The following FAM53C variants were observed in gnomAD, a reference collection of about 807,000 sequenced individuals.
The protein encoded by FAM53C is protein FAM53C.
In FAM53C, 10 loss-of-function variants were observed where a neutral mutation model predicts 34.7. The observed-to-expected ratio is 0.29, with a 90% confidence interval of 0.18 to 0.49. The LOEUF is 0.49. FAM53C is among the 20% of genes least tolerant of loss of function. The pLI, the probability that FAM53C is intolerant of heterozygous loss-of-function variation, is 0.99. For missense variants in FAM53C, 442 were observed against 515.3 expected (o/e 0.86, Z 1.38); for synonymous variants, 203 against 203.6 (o/e 1.00, Z 0.03).
At position 138,341,169 on chromosome 5, in the gene FAM53C, C is replaced by G. The variant is rs1375469860; in HGVS notation, c.-152-15C>G. ...ATCTCTAATATCACTTGGGGCTGGT[C>G]CCTCTAATTGGCAGACTCAGCAGGC... is the stretch of plus-strand genomic sequence containing the variant. On this transcript the variant is annotated splice_polypyrimidine_tract_variant and intron_variant, in intron 1 of 4. Coordinates refer to ENST00000239906, the MANE Select transcript of FAM53C (RefSeq NM_016605.3). The G allele has an allele frequency of 2.7e-6, 2 of 743,172 alleles. No individual in the cohort carries two copies. The highest frequency in any genetic ancestry group is 3.4e-5 in the African/African-American group (2 of 58,246). The allele number at this position is 743,172 out of a possible 1,614,324, so 46.0% of individuals were successfully genotyped here.
rs753214374 is a variant in FAM53C at position 138,344,864 on chromosome 5, C to T, written c.176C>T (p.Ala59Val). ...SWRGLPHCSC[A>V]EFQDSLNFSY... ...AGGGGCCTGCCCCACTGTTCCTGTG[C>T]TGAGTTCCAGGACAGCCTCAACTTC... The change falls in exon 4 of 5, where the codon GCT (alanine) becomes GTT (valine). Residue 59 changes from alanine (A) to valine (V), a missense_variant. Physicochemically the swap from Ala to Val is moderately conservative, Grantham distance 64 (BLOSUM62 0). Coordinates refer to ENST00000239906, the MANE Select transcript of FAM53C (RefSeq NM_016605.3). The T allele has an allele frequency of 1.9e-6, 3 of 1,602,028 alleles. No individual in the cohort carries two copies. Among genetic ancestry groups the T allele is most frequent in the East Asian group, 2.2e-5 (1 of 44,710 alleles).
Position 138,341,874 on chromosome 5 carries a change from A to G in FAM53C, c.136+8A>G. The G allele has an allele frequency of 6.2e-7, 1 of 1,613,964 alleles. No individual in the cohort carries two copies. The highest frequency in any genetic ancestry group is 8.5e-7 in the Non-Finnish European group (1 of 1,179,810). Reference sequence around the variant, plus strand: ...CTTTCCAGCTTGTGTCTGGTAAGGCATCGTGTGTGTTTGTGTACGTGTGTG... The same window carrying G: ...CTTTCCAGCTTGTGTCTGGTAAGGCGTCGTGTGTGTTTGTGTACGTGTGTG... On this transcript the variant is annotated splice_region_variant and intron_variant, in intron 3 of 4. Coordinates refer to ENST00000239906, the MANE Select transcript of FAM53C (RefSeq NM_016605.3).
At chr5:138,339,012 T>C (rs1561739982) in intron 1 of FAM53C, among the ~76,000 whole-genome samples, 1 of 152,158 alleles carries the variant, frequency 6.6e-6, no homozygotes, top group Non-Finnish European at 1.5e-5. Flanking sequence ...GGGTCTGATC[T>C]TTATTTTTGG....
In FAM53C at chr5:138,345,033, G is replaced by A. The variant is rs374324534; in HGVS notation, c.345G>A (p.Lys115=). ...KLPVPPAPPS[K]RHCRSLSVPV... is the part of the protein sequence containing the mutation. ...CTGTGCCCCCTGCCCCTCCATCCAA[G>A]AGGCACTGCCGCTCACTCTCAGTGC... is the stretch of plus-strand genomic sequence containing the variant. Residue 115 remains lysine (K), a synonymous_variant, in exon 4 of 5, where the codon AAG becomes AAA. Coordinates refer to ENST00000239906, the MANE Select transcript of FAM53C (RefSeq NM_016605.3). This position sits in a 1 kb window ranked among gnomAD's most constrained non-coding sequence, Gnocchi z 6.3. The A allele has an allele frequency of 6.2e-7, 1 of 1,613,768 alleles. No individual in the cohort carries two copies. The highest frequency in any genetic ancestry group is 8.5e-7 in the Non-Finnish European group (1 of 1,179,852).
Position 138,348,807 on chromosome 5 carries a change from ATGGTTTCATTCCTCCCC to A in FAM53C, c.*1852_*1868del, listed in dbSNP as rs1761247425. On this transcript the variant is annotated 3_prime_UTR_variant, in exon 5 of 5. Transcript: ENST00000239906. The stretch of plus-strand genomic sequence containing the variant: ...CTGTGAGCCCAGGAGTTGCCCATCT[ATGGTTTCATTCCTCCCC>A]TGGCTCTTCTCCCTCTTCAGGCCAT... 6.6e-6 allele frequency: 1 copy of A among 152,174 alleles called. No homozygotes were observed. Among genetic ancestry groups the A allele is most frequent in the Non-Finnish European group, 1.5e-5 (1 of 68,060 alleles). The allele number at this position is 152,174 out of a possible 1,614,324, so 9.4% of individuals were successfully genotyped here.
intron 1 of FAM53C, 87 bp downstream of exon 1, chr5:138,338,394 C>T: frequency 2.8e-6 from 1 of 359,854 alleles, no homozygotes; most frequent in Non-Finnish European, 5.4e-6. Flanking sequence ...CCTCCCCCAG[C>T]CCGACCGCCC....
chr5:138,341,488 A>G (rs1257087148), intron 2 of FAM53C, 75 bp downstream of exon 2: 5 of 1,297,756 alleles, frequency 3.9e-6, no homozygotes, highest in African/African-American at 1.5e-5. Context: ...CTATTACTTT[A>G]CTCTTGTCCT....
In FAM53C at chr5:138,346,724, G is replaced by T. The variant is rs775135919; in HGVS notation, c.944G>T (p.Cys315Phe). ...MNQKPYSGGL[C>F]LQETAREGSS... ...CAGAAACCATACTCAGGAGGTCTTT[G>T]TCTCCAAGAAACAGCCCGGGAAGGC... Residue 315 changes from cysteine (C) to phenylalanine (F), a missense_variant, in exon 5 of 5, where the codon TGT becomes TTT. Physicochemically the swap from Cys to Phe is radical, Grantham distance 205. Coordinates refer to ENST00000239906, the MANE Select transcript of FAM53C (RefSeq NM_016605.3). 10 of 1,614,016 alleles carry T rather than the reference G, an allele frequency of 6.2e-6. No individual in the cohort carries two copies. The East Asian group carries it at 2.2e-4, about 36-fold the overall frequency.
chr5:138,344,734 A>G, intron 3 of FAM53C, 91 bp from the exon 4 acceptor site: 1 of 1,221,686 alleles, frequency 8.2e-7, no homozygotes, highest in Non-Finnish European at 1.1e-6. Flanking sequence ...AAATTTTCAC[A>G]TAAAATGCTC....
chr5:138,346,511 C>T (rs1349486319), intron 4 of FAM53C, among the ~76,000 whole-genome samples, 191 bp from the exon 5 acceptor site: 2 of 152,148 alleles, frequency 1.3e-5, no homozygotes, highest in African/African-American at 2.4e-5. Flanking sequence ...GTAGTCCCAG[C>T]TACTGGGGAG....
chr5:138,346,542 T>A (rs1047012450), intron 4 of FAM53C, among the ~76,000 whole-genome samples, 160 bp from the exon 5 acceptor site: 1 of 152,110 alleles, frequency 6.6e-6, no homozygotes, highest in African/African-American at 2.4e-5. Flanking sequence ...GAGAATGGCG[T>A]GAACCCGGGA....
chr5:138,338,158 G>A (rs531082201), upstream of FAM53C: 55 of 1,289,712 alleles, frequency 4.3e-5, no homozygotes, highest in African/African-American at 7.3e-4. Flanking sequence ...CCCTCCATGG[G>A]TGGCTTGGGG....
chr5:138,345,370 C>G lies in FAM53C; in HGVS notation c.682C>G (p.Gln228Glu), dbSNP rs1174475475. Residue 228 changes from glutamine (Q) to glutamate (E), a missense_variant, in exon 4 of 5, where the codon CAG (glutamine) becomes GAG (glutamate). Gln to Glu is a conservative substitution (Grantham distance 29, BLOSUM62 2). Coordinates refer to ENST00000239906, the MANE Select transcript of FAM53C (RefSeq NM_016605.3). This position sits in a 1 kb window ranked among gnomAD's most constrained non-coding sequence, Gnocchi z 6.3. ...TGAGTCCTTGTCACCTTGCCCACCTCAGCGCCGCTTCTCCCTGTCACCCAG... is the reference window on the plus strand; with the variant it reads ...TGAGTCCTTGTCACCTTGCCCACCTGAGCGCCGCTTCTCCCTGTCACCCAG... ...DAESLSPCPP[Q>E]RRFSLSPSLG... 2 of 1,614,166 alleles carry G rather than the reference C, an allele frequency of 1.2e-6. No homozygotes were observed. Among genetic ancestry groups the G allele is most frequent in the South Asian group, 1.1e-5 (1 of 91,084 alleles).
intron 1 of FAM53C, among the ~76,000 whole-genome samples, chr5:138,339,711 C>G (rs532937478): frequency 6.6e-6 from 1 of 152,324 alleles, no homozygotes; most frequent in East Asian, 1.9e-4. Context: ...ATAGGGGAAG[C>G]AGCTGAAGAG....
rs750425539 is a variant in FAM53C, at chr5:138,346,897, A to C, written c.1117A>C (p.Lys373Gln). Residue 373 changes from lysine to glutamine, a missense_variant, in exon 5 of 5, where the codon AAG becomes CAG. Physicochemically the swap from Lys to Gln is moderately conservative, Grantham distance 53. Coordinates refer to ENST00000239906, the MANE Select transcript of FAM53C (RefSeq NM_016605.3). The stretch of plus-strand genomic sequence containing the variant: ...GCGGTGGGGTCGGCAGGCGCTGAGC[A>C]AGCGGACACTGTGCCAGCGGGACTT... ...AVRWGRQALS[K>Q]RTLCQRDFGD... 8 of 1,614,076 alleles carry C rather than the reference A, an allele frequency of 5.0e-6. No homozygotes were observed. Among genetic ancestry groups the C allele is most frequent in the Non-Finnish European group, 5.9e-6 (7 of 1,180,052 alleles).
At chr5:138,346,610 T>C (rs1761184177) in intron 4 of FAM53C, 92 bp from the exon 5 acceptor site, 5 of 1,510,550 alleles carry the variant, frequency 3.3e-6, no homozygotes, top group Non-Finnish European at 4.5e-6. Flanking sequence ...GGTGACAGAG[T>C]GAGACTCCGT....
In FAM53C at chr5:138,347,705, G is replaced by C. The variant is rs1761220349; in HGVS notation, c.*746G>C. On this transcript the variant is annotated 3_prime_UTR_variant, in exon 5 of 5. Coordinates refer to ENST00000239906, the MANE Select transcript of FAM53C (RefSeq NM_016605.3). ...CCCACTAGCTCGATCTAGTATATTG[G>C]GGAATGCAGGTGGGGGGTGTCACCA... 1 of 152,384 alleles carries C rather than the reference G, an allele frequency of 6.6e-6. No homozygotes were observed. Among genetic ancestry groups the C allele is most frequent in the African/African-American group, 2.4e-5 (1 of 41,336 alleles). 9.4% of individuals were successfully genotyped at this position (152,384 alleles called of 1,614,324 possible).
At chr5:138,346,348 A>G (rs916153032) in intron 4 of FAM53C, among the ~76,000 whole-genome samples, 2 of 152,240 alleles carry the variant, frequency 1.3e-5, no homozygotes, top group Non-Finnish European at 2.9e-5. Flanking sequence ...TACAAACGCC[A>G]GGCATGGTGG....
In FAM53C at chr5:138,345,628, G is replaced by C. The variant is rs1303214325; in HGVS notation, c.921+19G>C. On this transcript the variant is annotated intron_variant, in intron 4 of 4. Transcript: ENST00000239906. This position sits in a 1 kb window ranked among gnomAD's most constrained non-coding sequence, Gnocchi z 6.3. ...GAATCAGGTGGGACCAGCAAGACTA[G>C]GGGAGCTTAGATGGGAGTGTGGGGA... The C allele has an allele frequency of 1.3e-5, 20 of 1,598,674 alleles. No homozygotes were observed. The highest frequency in any genetic ancestry group is 1.7e-5 in the Admixed American group (1 of 59,152).
Sources: allele counts gnomAD v4.1 joint callset (sites outside exome capture counted in the v4.1 genomes callset), GRCh38; gene constraint gnomAD v4.1.1; non-coding constraint Gnocchi (gnomAD v3.1); transcripts MANE v1.5; gene names NCBI Gene and HGNC (gene_info 2026-07-23, HGNC 2026-07-21).